STAC3: variants seen among roughly 807,000 people sequenced by gnomAD.
STAC3 encodes SH3 and cysteine rich domain 3.
A neutral mutation model predicts 48.5 loss-of-function variants in STAC3; 30 were observed. That is an observed-to-expected ratio of 0.62 (90% CI 0.46 to 0.84). The LOEUF is 0.84. Ranked by LOEUF, STAC3 falls within the 40% of genes least tolerant of loss-of-function variation. STAC3 has a pLI of 0.00. For missense variants in STAC3, 419 were observed against 462.6 expected, an observed-to-expected ratio of 0.91 and a Z score of 0.86; for synonymous variants, 144 against 158.6, an observed-to-expected ratio of 0.91 and a Z score of 0.69.
rs2037892406 is a variant in STAC3 at position 57,251,033 on chromosome 12, G to A, written c.-42C>T. 2.5e-6 allele frequency: 1 copy of A among 406,176 alleles called. No homozygotes were observed. The highest frequency in any genetic ancestry group is 5.0e-6 in the Non-Finnish European group (1 of 200,454). The allele number at this position is 406,176 out of a possible 1,614,324, so 25.2% of individuals were successfully genotyped here. Reference sequence around the variant, plus strand: ...AGTCAGTCCACAGGCTGTAGAGGGAGCTGGGAGCCTCGAGGCCTTGATGGT... The same window carrying A: ...AGTCAGTCCACAGGCTGTAGAGGGAACTGGGAGCCTCGAGGCCTTGATGGT... On this transcript the variant is annotated 5_prime_UTR_variant, in exon 1 of 12. Transcript: ENST00000332782.
intron 1 of STAC3, among the ~76,000 whole-genome samples, chr12:57,249,989 T>C (rs2037864280): frequency 6.6e-6 from 1 of 152,196 alleles, no homozygotes; most frequent in Non-Finnish European, 1.5e-5. Context: ...CAAGCAATCT[T>C]CCTGTTTCAA....
rs543133151 is a variant in STAC3, at chr12:57,251,100, C to T, written c.-109G>A. On this transcript the variant is annotated 5_prime_UTR_variant, in exon 1 of 12. Transcript: ENST00000332782. ...TGGTCCTCTTCCTTGGGGGCTAAGCCCCCCCAGTACCCCCTGTGTTCACAC... is the reference window on the plus strand; with the variant it reads ...TGGTCCTCTTCCTTGGGGGCTAAGCTCCCCCAGTACCCCCTGTGTTCACAC... The T allele has an allele frequency of 2.7e-4, 123 of 448,930 alleles. No individual in the cohort carries two copies. Among genetic ancestry groups the T allele is most frequent in the South Asian group, 1.7e-3 (111 of 64,014 alleles). 27.8% of individuals were successfully genotyped at this position (448,930 alleles called of 1,614,324 possible).
Position 57,248,377 on chromosome 12 carries a change from CTTTTTTTT to C in STAC3, c.433-187_433-180del. The C allele has an allele frequency of 8.8e-6, 4 of 452,362 alleles. No individual in the cohort carries two copies. The South Asian group carries it at 9.9e-5, about 11-fold the overall frequency. 28.0% of individuals were successfully genotyped at this position (452,362 alleles called of 1,614,324 possible). The stretch of plus-strand genomic sequence containing the variant: ...GTAGCTGGCTGGTGACATGTCCCCT[CTTTTTTTT>C]TTTTTTTTTTTGAGACGGAGTCTCG... On this transcript the variant is annotated intron_variant, in intron 4 of 11. Coordinates refer to ENST00000332782, the MANE Select transcript of STAC3 (RefSeq NM_145064.3).
At chr12:57,249,014 C>G in intron 3 of STAC3, 27 bp downstream of exon 3, 1 of 1,569,390 alleles carries the variant, frequency 6.4e-7, no homozygotes, top group Non-Finnish European at 8.6e-7. Flanking sequence ...CAATATCATA[C>G]TCTCTTCACT....
At chr12:57,244,000 C>T in intron 11 of STAC3, 88 bp downstream of exon 11, 3 of 1,609,540 alleles carry the variant, frequency 1.9e-6, no homozygotes, top group Non-Finnish European at 2.5e-6. Context: ...AGGGGCTCAC[C>T]CTAGTCTTAT....
At chr12:57,247,988 G>A in intron 5 of STAC3, 138 bp downstream of exon 5, 1 of 802,960 alleles carries the variant, frequency 1.2e-6, no homozygotes. Context: ...CATCCAAATG[G>A]ATATAAAAAT....
chr12:57,246,662 A>G, intron 6 of STAC3, 142 bp downstream of exon 6: 1 of 718,484 alleles, frequency 1.4e-6, no homozygotes, highest in South Asian at 1.6e-5. Context: ...CTGGGATTAC[A>G]GGCGTGAGCC....
intron 1 of STAC3, 194 bp from the exon 2 acceptor site, chr12:57,249,831 C>G (rs2037858693): frequency 1.8e-6 from 1 of 555,910 alleles, no homozygotes; most frequent in African/African-American, 1.9e-5. Flanking sequence ...TCATGGCTCA[C>G]TGCAGCCTCG....
In STAC3 at chr12:57,245,152, G is replaced by C; in HGVS notation, c.663C>G (p.Pro221=). The change falls in exon 7 of 12, where the codon CCC becomes CCG. Residue 221 remains proline, a synonymous_variant. Coordinates refer to ENST00000332782, the MANE Select transcript of STAC3 (RefSeq NM_145064.3). ...PESARPEEGK[P]QDGNPEGDKK... is the part of the protein sequence containing the mutation. ...GAGGTGGGTAACACTCACCATCCTG[G>C]GGTTTGCCTTCCTCTGGTCTGGCCG... 6.2e-7 allele frequency: 1 copy of C among 1,614,066 alleles called. No individual in the cohort carries two copies. Among genetic ancestry groups the C allele is most frequent in the Non-Finnish European group, 8.5e-7 (1 of 1,179,992 alleles).
chr12:57,243,987 T>C, intron 11 of STAC3, 77 bp from the exon 12 acceptor site: 2 of 1,607,116 alleles, frequency 1.2e-6, no homozygotes, highest in African/African-American at 2.7e-5. Context: ...AGCCGGGGTT[T>C]ACAGGGGCTC....
At position 57,243,517 on chromosome 12, in the gene STAC3, C is replaced by T; in HGVS notation, c.*295G>A. ...TTCGACAGTTCGCCCTCCCTCGCCC[C>T]CGCCCCCCGCCCCAGTCCCTGGCTC... On this transcript the variant is annotated 3_prime_UTR_variant, in exon 12 of 12. Coordinates refer to ENST00000332782, the MANE Select transcript of STAC3 (RefSeq NM_145064.3). 1.7e-6 allele frequency: 1 copy of T among 594,494 alleles called. No homozygotes were observed. Among genetic ancestry groups the T allele is most frequent in the Non-Finnish European group, 3.0e-6 (1 of 331,994 alleles). 36.8% of individuals were successfully genotyped at this position (594,494 alleles called of 1,614,324 possible). A position where few individuals can be genotyped will look rare whatever the true frequency, so the allele number is the denominator to read the frequency against.
Position 57,248,129 on chromosome 12 carries a change from G to C in STAC3, c.502C>G (p.Leu168Val). ...ATGTTCCATAAAGGGCACTTACAGAGATCTTTGACACAAGCGTACTGCTGG... is the reference window on the plus strand; with the variant it reads ...ATGTTCCATAAAGGGCACTTACAGACATCTTTGACACAAGCGTACTGCTGG... ...SNQQYACVKD[L>V]SAANRNDPVF... is the part of the protein sequence containing the mutation. Residue 168 changes from leucine (L) to valine (V), a missense_variant, in exon 5 of 12, where the codon CTC becomes GTC. Leu to Val is a conservative substitution (Grantham distance 32, BLOSUM62 1). Transcript: ENST00000332782. 2 of 1,613,444 alleles carry C rather than the reference G, an allele frequency of 1.2e-6. No individual in the cohort carries two copies. Among genetic ancestry groups the C allele is most frequent in the Non-Finnish European group, 1.7e-6 (2 of 1,179,360 alleles).
chr12:57,250,414 A>G (rs979784933), intron 1 of STAC3, among the ~76,000 whole-genome samples: 1 of 150,522 alleles, frequency 6.6e-6, no homozygotes, highest in African/African-American at 2.4e-5. Context: ...AAAAAAAAAA[A>G]AAGCCCAACA....
chr12:57,245,876 G>A (rs1337217486), intron 6 of STAC3, among the ~76,000 whole-genome samples: 2 of 152,008 alleles, frequency 1.3e-5, no homozygotes, highest in African/African-American at 2.4e-5. Context: ...TTGGGAGGCC[G>A]AGGTGGGCGG....
chr12:57,248,086 A>T (rs377651818), intron 5 of STAC3, 40 bp downstream of exon 5: 7 of 1,556,296 alleles, frequency 4.5e-6, no homozygotes, highest in Middle Eastern at 1.7e-4. Context: ...AACCATCTCT[A>T]GGCTTGCCCA....
intron 6 of STAC3, 93 bp downstream of exon 6, chr12:57,246,711 A>G: frequency 8.3e-7 from 1 of 1,200,140 alleles, no homozygotes. Flanking sequence ...TTAGGGGAAG[A>G]CAATCCATTA....
At position 57,243,890 on chromosome 12, in the gene STAC3, G is replaced by C. The variant is rs1465388983; in HGVS notation, c.1017C>G (p.Asp339Glu). The C allele has an allele frequency of 1.2e-6, 2 of 1,613,806 alleles. No homozygotes were observed. The highest frequency in any genetic ancestry group is 2.2e-5 in the East Asian group (1 of 44,874). ...KKDQIVVQKG[D>E]EAGGYVKVYT... ...AGACCTTGACGTAGCCGCCCGCTTC[G>C]TCTCCTTTCTGCACCACGATCTAGA... is the stretch of plus-strand genomic sequence containing the variant. Residue 339 changes from aspartate (D) to glutamate (E), a missense_variant, in exon 12 of 12, where the codon GAC becomes GAG. Asp to Glu is a conservative substitution (Grantham distance 45). Transcript: ENST00000332782.
At position 57,243,709 on chromosome 12, in the gene STAC3, C is replaced by T. The variant is rs1158018981; in HGVS notation, c.*103G>A. On this transcript the variant is annotated 3_prime_UTR_variant, in exon 12 of 12. Coordinates refer to ENST00000332782, the MANE Select transcript of STAC3 (RefSeq NM_145064.3). The stretch of plus-strand genomic sequence containing the variant: ...CGCGCTCAGGCGGGCCTTCCTACCC[C>T]TCCTCTCCCAGCAGTCCCGTTGCTT... 6 of 1,112,460 alleles carry T rather than the reference C, an allele frequency of 5.4e-6. No individual in the cohort carries two copies. Among genetic ancestry groups the T allele is most frequent in the Non-Finnish European group, 8.0e-6 (6 of 745,348 alleles). 68.9% of individuals were successfully genotyped at this position (1,112,460 alleles called of 1,614,324 possible). A position where few individuals can be genotyped will look rare whatever the true frequency, so the allele number is the denominator to read the frequency against.
In STAC3 at chr12:57,246,858, A is replaced by G. The variant is rs771582233; in HGVS notation, c.549T>C (p.Thr183=). The G allele has an allele frequency of 1.2e-6, 2 of 1,613,938 alleles. No homozygotes were observed. Among genetic ancestry groups the G allele is most frequent in the South Asian group, 1.1e-5 (1 of 91,080 alleles). ...RNDPVFETLR[T]GVIMANKERK... is the part of the protein sequence containing the mutation. ...GTTCCTTGTTTGCCATGATCACCCCAGTGCGCAGGGTTTCAAACACAGGAT... is the reference window on the plus strand; with the variant it reads ...GTTCCTTGTTTGCCATGATCACCCCGGTGCGCAGGGTTTCAAACACAGGAT... The change falls in exon 6 of 12, where the codon ACT becomes ACC. Residue 183 remains threonine, a synonymous_variant. Coordinates refer to ENST00000332782, the MANE Select transcript of STAC3 (RefSeq NM_145064.3).
Sources: allele counts gnomAD v4.1 joint callset (sites outside exome capture counted in the v4.1 genomes callset), GRCh38; gene constraint gnomAD v4.1.1; transcripts MANE v1.5; gene names NCBI Gene and HGNC (gene_info 2026-07-23, HGNC 2026-07-21).